Variants in CNTN3 observed in about 807,000 individuals in gnomAD.
CNTN3 encodes the protein contactin-3.
Under a neutral mutation model 119.1 loss-of-function variants are expected in CNTN3, and 60 were observed. The ratio of observed to expected loss-of-function variants is 0.50; its 90% CI spans 0.41 to 0.62. The LOEUF is 0.62. Ranked by LOEUF, CNTN3 falls within the 20% of genes least tolerant of loss-of-function variation. The pLI is 0.00. For missense variants in CNTN3, 1,101 were observed against 1,242.4 expected (o/e 0.89, Z 1.71); for synonymous variants, 450 against 438.7 (o/e 1.03, Z -0.32).
intron 1 of CNTN3, among the ~76,000 whole-genome samples, chr3:74,540,608 G>A (rs1045959843): frequency 2.6e-5 from 4 of 152,120 alleles, no homozygotes; most frequent in Non-Finnish European, 4.4e-5. Context: ...ATTGTCAGAT[G>A]AGGAATTTGA....
intron 5 of CNTN3, among the ~76,000 whole-genome samples, chr3:74,383,559 C>A (rs1233380618): frequency 2.0e-5 from 3 of 152,120 alleles, no homozygotes; most frequent in African/African-American, 7.2e-5. Flanking sequence ...GATCATGGCT[C>A]ACTGCAGTCT....
chr3:74,610,974 G>A (rs1263860602), intron 1 of CNTN3, among the ~76,000 whole-genome samples: 2 of 152,110 alleles, frequency 1.3e-5, no homozygotes, highest in African/African-American at 4.8e-5. Context: ...TTTGAAATAT[G>A]GATCTCATAT....
intron 5 of CNTN3, 77 bp downstream of exon 5, chr3:74,424,768 G>T: frequency 8.7e-7 from 1 of 1,150,420 alleles, no homozygotes; most frequent in Non-Finnish European, 1.3e-6. Context: ...ATTTACAGAT[G>T]CAATAACAGT....
chr3:74,558,982 C>CAATAATAATAAT (rs60508507), intron 1 of CNTN3, among the ~76,000 whole-genome samples: 7,316 of 143,006 alleles, frequency 0.051, 277 homozygotes, highest in Admixed American at 0.097. Flanking sequence ...GACCCTGTCT[C>CAATAATAATAAT]AATAATAATA....
chr3:74,554,042 T>A (rs1040015645), intron 1 of CNTN3, among the ~76,000 whole-genome samples: 1 of 152,226 alleles, frequency 6.6e-6, no homozygotes, highest in Admixed American at 6.5e-5. Context: ...AGGATTTTTA[T>A]GGTCCTAGGT....
intron 1 of CNTN3, among the ~76,000 whole-genome samples, chr3:74,525,072 G>A (rs1294530693): frequency 1.3e-5 from 2 of 151,652 alleles, no homozygotes; most frequent in Admixed American, 6.6e-5. Flanking sequence ...TCAGGGAGGT[G>A]AAATAATCAT....
chr3:74,362,997 G>A (rs1472828013), intron 10 of CNTN3, among the ~76,000 whole-genome samples: 1 of 152,096 alleles, frequency 6.6e-6, no homozygotes, highest in African/African-American at 2.4e-5. Context: ...ACAATCTTTT[G>A]TTTACGCACC....
intron 19 of CNTN3, 115 bp from the exon 20 acceptor site, chr3:74,285,606 T>C (rs1702095098): frequency 2.0e-5 from 21 of 1,040,946 alleles, no homozygotes; most frequent in Non-Finnish European, 2.8e-5. Flanking sequence ...AACCAATATT[T>C]ACTGAAGACC....
intron 1 of CNTN3, among the ~76,000 whole-genome samples, chr3:74,584,482 T>C (rs193128952): frequency 2.0e-5 from 3 of 152,244 alleles, no homozygotes; most frequent in South Asian, 2.1e-4. Flanking sequence ...TGCTTCCTTC[T>C]ACTCTCACCA....
chr3:74,267,484 T>C, intron 20 of CNTN3, 106 bp from the exon 21 acceptor site: 1 of 755,574 alleles, frequency 1.3e-6, no homozygotes, highest in Admixed American at 1.9e-5. Context: ...TAGAACGGGA[T>C]GCCTTTGGTA....
intron 4 of CNTN3, among the ~76,000 whole-genome samples, chr3:74,473,123 A>G (rs1013499255): frequency 1.8e-4 from 27 of 151,686 alleles, no homozygotes; most frequent in African/African-American, 6.3e-4. Context: ...CTCTACTGAT[A>G]GGAGCAATGT....
intron 1 of CNTN3, among the ~76,000 whole-genome samples, chr3:74,584,586 T>A (rs1704564300): frequency 6.6e-6 from 1 of 152,118 alleles, no homozygotes; most frequent in African/African-American, 2.4e-5. Context: ...TCTTGTACAG[T>A]CTGCAGATCC....
intron 4 of CNTN3, among the ~76,000 whole-genome samples, chr3:74,439,021 C>T (rs1701916712): frequency 6.6e-6 from 1 of 152,122 alleles, no homozygotes; most frequent in Non-Finnish European, 1.5e-5. Context: ...GTGGTGAGAA[C>T]TCCTGTGATC....
intron 5 of CNTN3, among the ~76,000 whole-genome samples, chr3:74,396,374 C>G (rs1199177596): frequency 4.6e-5 from 7 of 152,130 alleles, no homozygotes; most frequent in African/African-American, 1.7e-4. Context: ...AGCAATACAG[C>G]CTTTTGCTGA....
intron 13 of CNTN3, among the ~76,000 whole-genome samples, chr3:74,319,022 A>C (rs879857385): frequency 6.6e-6 from 1 of 152,208 alleles, no homozygotes; most frequent in Non-Finnish European, 1.5e-5. Flanking sequence ...AAGAGAATAC[A>C]AACAAATGGA....
At chr3:74,291,246 C>A (rs1368837881) in intron 19 of CNTN3, among the ~76,000 whole-genome samples, 1 of 152,140 alleles carries the variant, frequency 6.6e-6, no homozygotes, top group Admixed American at 6.5e-5. Context: ...TTTTTTATGG[C>A]TGCATAGTAT....
intron 8 of CNTN3, among the ~76,000 whole-genome samples, chr3:74,366,757 T>TGC (rs763048839): frequency 8.5e-6 from 1 of 118,272 alleles, no homozygotes; most frequent in African/African-American, 3.3e-5. Flanking sequence ...TATGTGTGTG[T>TGC]GCGTGTGTGT....
chr3:74,451,221 T>G (rs1393073810), intron 4 of CNTN3, among the ~76,000 whole-genome samples: 3 of 152,302 alleles, frequency 2.0e-5, no homozygotes, highest in Admixed American at 2.0e-4. Flanking sequence ...TGGTGTGAGA[T>G]GGTATCCCAT....
intron 11 of CNTN3, among the ~76,000 whole-genome samples, 185 bp from the exon 12 acceptor site, chr3:74,336,843 C>T (rs982209891): frequency 3.3e-5 from 5 of 150,278 alleles, no homozygotes; most frequent in Admixed American, 3.3e-4. Context: ...CATACATAAA[C>T]ACACGCACAG....
Sources: allele counts gnomAD v4.1 joint callset (sites outside exome capture counted in the v4.1 genomes callset), GRCh38; gene constraint gnomAD v4.1.1; transcripts MANE v1.5; gene names NCBI Gene and HGNC (gene_info 2026-07-23, HGNC 2026-07-21).